Variants in MPHOSPH9 observed in about 807,000 individuals in gnomAD.
MPHOSPH9 encodes M-phase phosphoprotein 9.
A neutral mutation model predicts 145.5 loss-of-function variants in MPHOSPH9; 88 were observed. The ratio of observed to expected loss-of-function variants is 0.60; its 90% CI spans 0.51 to 0.72. The LOEUF (loss-of-function observed/expected upper bound fraction) is 0.72, where lower values mean the gene tolerates loss of function less well. Ranked by LOEUF, MPHOSPH9 falls within the 30% of genes least tolerant of loss-of-function variation. MPHOSPH9 has a pLI of 0.00. For missense variants in MPHOSPH9, 1,238 were observed against 1,386.6 expected (o/e 0.89, Z 1.70); for synonymous variants, 435 against 486.2 (o/e 0.89, Z 1.39).
chr12:123,169,201 A>G (rs923556198), intron 16 of MPHOSPH9, among the ~76,000 whole-genome samples: 2 of 151,226 alleles, frequency 1.3e-5, no homozygotes, highest in Admixed American at 6.6e-5. Context: ...TTTTAAATTA[A>G]GAACTATTTC....
At chr12:123,181,841 CA>C (rs1237242454) in intron 13 of MPHOSPH9, among the ~76,000 whole-genome samples, 1 of 151,886 alleles carries the variant, frequency 6.6e-6, no homozygotes, top group East Asian at 1.9e-4. Context: ...AGTGAGATTG[CA>C]CCACTGCACT....
At chr12:123,236,826 C>T (rs1164071505), upstream of MPHOSPH9, among the ~76,000 whole-genome samples, 1 of 152,118 alleles carries the variant, frequency 6.6e-6, no homozygotes, top group African/African-American at 2.4e-5. Context: ...CGGTGGCTCA[C>T]ACCTCTCAGC....
intron 2 of MPHOSPH9, among the ~76,000 whole-genome samples, chr12:123,229,345 T>C (rs1242071866): frequency 6.6e-6 from 1 of 152,174 alleles, no homozygotes; most frequent in East Asian, 1.9e-4. Flanking sequence ...AAATTGAAAG[T>C]AAACAGGCTC....
intron 1 of MPHOSPH9, among the ~76,000 whole-genome samples, chr12:123,241,930 A>C (rs1443480052): frequency 6.6e-6 from 1 of 152,204 alleles, no homozygotes; most frequent in African/African-American, 2.4e-5. Context: ...CAAGCTCTCC[A>C]GGAGGATGAG....
intron 13 of MPHOSPH9, among the ~76,000 whole-genome samples, chr12:123,182,257 T>TG (rs1335920594): frequency 2.4e-4 from 17 of 70,108 alleles, no homozygotes; most frequent in African/African-American, 4.0e-4. Context: ...GTGTTTTTTT[T>TG]TTTGTTTTTT....
At chr12:123,165,524 G>GT (rs1171108598) in intron 17 of MPHOSPH9, 47 bp from the exon 18 acceptor site, 1 of 1,515,794 alleles carries the variant, frequency 6.6e-7, no homozygotes, top group Non-Finnish European at 9.1e-7. Context: ...CTAAATGTCT[G>GT]TATCTTGCCC....
chr12:123,216,020 G>A (rs779152417), intron 6 of MPHOSPH9, among the ~76,000 whole-genome samples: 7 of 152,208 alleles, frequency 4.6e-5, no homozygotes, highest in African/African-American at 7.2e-5. Context: ...GGCAGATCAC[G>A]AGGTCAGGAG....
At chr12:123,194,318 G>T in intron 13 of MPHOSPH9, 68 bp downstream of exon 13, 1 of 896,070 alleles carries the variant, frequency 1.1e-6, no homozygotes, top group East Asian at 2.7e-5. Context: ...ATAATCACTT[G>T]TAAGAGTATA....
intron 11 of MPHOSPH9, among the ~76,000 whole-genome samples, chr12:123,201,268 C>A (rs976524548): frequency 6.6e-6 from 1 of 152,126 alleles, no homozygotes; most frequent in Non-Finnish European, 1.5e-5. Context: ...AAACTGTTAA[C>A]CAGACGGAAG....
intron 6 of MPHOSPH9, among the ~76,000 whole-genome samples, chr12:123,216,512 C>T (rs1299428878): frequency 2.6e-5 from 4 of 152,002 alleles, no homozygotes; most frequent in Non-Finnish European, 4.4e-5. Context: ...CTAAACAATG[C>T]TATTCTGTGA....
At chr12:123,219,694 CA>C (rs1313004280) in intron 5 of MPHOSPH9, among the ~76,000 whole-genome samples, 2 of 151,952 alleles carry the variant, frequency 1.3e-5, no homozygotes, top group African/African-American at 4.8e-5. Context: ...TGGCATAAAT[CA>C]ATCATTATAC....
chr12:123,194,416 T>C lies in MPHOSPH9; in HGVS notation c.2211A>G (p.Gln737=), dbSNP rs145081825. 5.6e-6 allele frequency: 9 copies of C among 1,601,892 alleles called. No homozygotes were observed. In the African/African-American group the frequency reaches 9.4e-5, roughly 17 times the overall value. ...AYKLSDDKEA[Q]LKQENKMFQD... ...GAAACATTTTGTTCTCTTGTTTTAGTTGAGCTTCTTTATCATCTGAGAGTT... is the reference window on the plus strand; with the variant it reads ...GAAACATTTTGTTCTCTTGTTTTAGCTGAGCTTCTTTATCATCTGAGAGTT... Residue 737 remains glutamine, a synonymous_variant, in exon 13 of 24, where the codon CAA becomes CAG. Transcript: ENST00000606320.
intron 2 of MPHOSPH9, 21 bp from the exon 3 acceptor site, chr12:123,227,637 C>A: frequency 6.7e-7 from 1 of 1,488,364 alleles, no homozygotes. Flanking sequence ...ATAAATAATT[C>A]AAATGGTTTT....
intron 7 of MPHOSPH9, among the ~76,000 whole-genome samples, chr12:123,210,846 G>A (rs755256618): frequency 2.6e-5 from 4 of 151,878 alleles, no homozygotes; most frequent in Non-Finnish European, 5.9e-5. Flanking sequence ...AAGATGGAAT[G>A]CAGTGGAGTG....
intron 13 of MPHOSPH9, 78 bp from the exon 14 acceptor site, chr12:123,181,288 A>T: frequency 7.9e-7 from 1 of 1,259,912 alleles, no homozygotes; most frequent in East Asian, 2.3e-5. Context: ...CTACAAAATA[A>T]CTGCCTATAG....
intron 11 of MPHOSPH9, among the ~76,000 whole-genome samples, chr12:123,199,725 G>A (rs1213293324): frequency 1.3e-5 from 2 of 151,516 alleles, no homozygotes; most frequent in African/African-American, 2.4e-5. Context: ...CCTGGGAGGC[G>A]GAGCTTGCAG....
chr12:123,210,811 G>C (rs546837079), intron 7 of MPHOSPH9, among the ~76,000 whole-genome samples: 43 of 151,886 alleles, frequency 2.8e-4, no homozygotes, highest in African/African-American at 1.0e-3. Flanking sequence ...CTCTTTTTTT[G>C]AGACAGAGTC....
chr12:123,221,540 G>A lies in MPHOSPH9; in HGVS notation c.704C>T (p.Pro235Leu), dbSNP rs770624613. ...PKGQYVAPAVPAESLVDGVKN... is the reference protein window; with the variant it reads ...PKGQYVAPAVLAESLVDGVKN... ...CACACCATCTACAAGTGACTCAGCC[G>A]GCACCGCAGGTGCTACATACTGTCC... Residue 235 changes from proline (P) to leucine (L), a missense_variant, in exon 5 of 24, where the codon CCG (proline) becomes CTG (leucine). Pro to Leu is a moderately conservative substitution (Grantham distance 98). Around this residue, in one of 3 missense-constraint regions of MPHOSPH9, gnomAD observed 837 missense variants for 897.5 expected, o/e 0.93. Transcript: ENST00000606320. 28 of 1,613,994 alleles carry A rather than the reference G, an allele frequency of 1.7e-5. No homozygotes were observed. The highest frequency in any genetic ancestry group is 3.3e-5 in the Admixed American group (2 of 59,990).
chr12:123,171,715 C>G (rs1008325224), intron 16 of MPHOSPH9, among the ~76,000 whole-genome samples: 18 of 152,102 alleles, frequency 1.2e-4, no homozygotes, highest in African/African-American at 3.1e-4. Flanking sequence ...TGCCACTGCA[C>G]TCCAGCCTGG....
Sources: gnomAD v4.1 joint callset for allele counts (sites outside exome capture counted in the v4.1 genomes callset) on GRCh38, gnomAD v4.1.1 for gene constraint, gnomAD v4.1.1 regional missense constraint, MANE v1.5 for transcripts, NCBI Gene and HGNC (gene_info 2026-07-23, HGNC 2026-07-21) for gene names.